The following TSPEAR variants were observed in gnomAD, a reference collection of about 807,000 sequenced individuals.
TSPEAR encodes thrombospondin type laminin G domain and EAR repeats.
A neutral mutation model predicts 71.6 loss-of-function variants in TSPEAR; 69 were observed. That is an observed-to-expected ratio of 0.96 (90% CI 0.79 to 1.18). The LOEUF (loss-of-function observed/expected upper bound fraction) is 1.18. Ranked by LOEUF, TSPEAR falls within the 50% of genes most tolerant of loss-of-function variation. TSPEAR has a pLI of 0.00. For synonymous variants in TSPEAR, 402 were observed against 387.2 expected (o/e 1.04, Z -0.45); for missense variants, 971 against 894.9 (o/e 1.09, Z -1.09).
chr21:44,653,761 G>C (rs1984951733), intron 1 of TSPEAR, among the ~76,000 whole-genome samples: 1 of 152,200 alleles, frequency 6.6e-6, no homozygotes, highest in African/African-American at 2.4e-5. Flanking sequence ...GAACAAAGTG[G>C]GACGAAGGAA....
At chr21:44,628,007 C>A in intron 1 of TSPEAR, 1 of 1,611,172 alleles carries the variant, frequency 6.2e-7, no homozygotes, top group Non-Finnish European at 8.5e-7. Context: ...TGCTCCCGCC[C>A]GGCCTGCTAC....
chr21:44,708,225 G>T (rs1490759603), intron 1 of TSPEAR, among the ~76,000 whole-genome samples: 3 of 152,060 alleles, frequency 2.0e-5, no homozygotes, highest in African/African-American at 7.2e-5. Flanking sequence ...TGGTCTGAGT[G>T]GGGAGCTGGG....
At chr21:44,704,142 G>C (rs1255387527) in intron 1 of TSPEAR, among the ~76,000 whole-genome samples, 2 of 152,154 alleles carry the variant, frequency 1.3e-5, no homozygotes, top group Non-Finnish European at 2.9e-5. Context: ...AATTAGAACA[G>C]GGTTGGTGTA....
chr21:44,660,338 C>T (rs1241123524), intron 1 of TSPEAR, among the ~76,000 whole-genome samples: 1 of 152,206 alleles, frequency 6.6e-6, no homozygotes, highest in Non-Finnish European at 1.5e-5. Context: ...CACATTAAAT[C>T]TGTGACTGAC....
At chr21:44,637,977 C>T (rs587644811) in intron 1 of TSPEAR, 2 of 1,614,110 alleles carry the variant, frequency 1.2e-6, no homozygotes, top group Admixed American at 1.7e-5. Context: ...TGCAGACCCT[C>T]CTCCTCCGTG....
chr21:44,706,411 G>GCA lies in TSPEAR; in HGVS notation c.82+5020_82+5021dup, dbSNP rs577921563. Among the ~76,000 whole-genome samples, 33 of 151,226 alleles carry GCA rather than the reference G, an allele frequency of 2.2e-4. 1 individual carries two copies. The East Asian group carries it at 3.3e-3, about 15-fold the overall frequency. ...CGTGCACCCATGCGCACGCACCCAT[G>GCA]CACACACACGCGCGCACACACCCAC... On this transcript the variant is annotated intron_variant, in intron 1 of 11. Transcript: ENST00000323084.
chr21:44,601,134 G>A lies in TSPEAR; in HGVS notation c.83-33129C>T, dbSNP rs782697495. On this transcript the variant is annotated intron_variant, in intron 1 of 11. Coordinates refer to ENST00000323084, the MANE Select transcript of TSPEAR (RefSeq NM_144991.3). Reference sequence around the variant, plus strand: ...CTGTCTGCTCTGGGATTTCCTCTTCGTGCTGCCAGCAGTCTAGCTGTGTGA... The same window carrying A: ...CTGTCTGCTCTGGGATTTCCTCTTCATGCTGCCAGCAGTCTAGCTGTGTGA... 590 of 1,584,460 alleles carry A rather than the reference G, an allele frequency of 3.7e-4. 4 individuals carry two copies. In the East Asian group the frequency reaches 8.8e-3, roughly 24 times the overall value.
intron 9 of TSPEAR, chr21:44,517,677 T>C (rs587643430): frequency 2.3e-6 from 1 of 444,032 alleles, no homozygotes. Context: ...AGGAAGCCAC[T>C]GACATGTGGG....
In TSPEAR at chr21:44,627,809, C is replaced by A; in HGVS notation, c.83-59804G>T. On this transcript the variant is annotated intron_variant, in intron 1 of 11. Transcript: ENST00000323084. ...GCTTCCTCTTTGTGCTGCCAGCAGT[C>A]TGGCTGCCAGCCGGCTTGCTGCACC... The A allele has an allele frequency of 6.2e-7, 1 of 1,605,720 alleles. No homozygotes were observed. Among genetic ancestry groups the A allele is most frequent in the Admixed American group, 1.7e-5 (1 of 58,374 alleles).
At chr21:44,502,740 C>T (rs111272309) in intron 11 of TSPEAR, among the ~76,000 whole-genome samples, 9 of 152,356 alleles carry the variant, frequency 5.9e-5, no homozygotes, top group African/African-American at 1.9e-4. Context: ...CAGCCAATCT[C>T]GGAAATGACA....
chr21:44,518,576 GGAGACCTTGCCT>G, intron 9 of TSPEAR: 1 of 460,174 alleles, frequency 2.2e-6, no homozygotes, highest in Non-Finnish European at 4.6e-6. Context: ...ACAGCTGTTA[GGAGACCTTGCCT>G]AGTTGACGAG....
rs1981707278 is a variant in TSPEAR at position 44,612,013 on chromosome 21, C to T, written c.83-44008G>A. ...TGTGAGACTCCTGTGAGGAAAATAC[C>T]CAGGGAGGGTATAAAACCTCAGCAG... is the stretch of plus-strand genomic sequence containing the variant. On this transcript the variant is annotated intron_variant, in intron 1 of 11. Coordinates refer to ENST00000323084, the MANE Select transcript of TSPEAR (RefSeq NM_144991.3). This position sits in a 1 kb window ranked among gnomAD's most constrained non-coding sequence, Gnocchi z 4.1. The T allele has an allele frequency of 1.5e-6, 2 of 1,367,406 alleles. No individual in the cohort carries two copies. Among genetic ancestry groups the T allele is most frequent in the South Asian group, 1.3e-5 (1 of 76,986 alleles). 84.7% of individuals were successfully genotyped at this position (1,367,406 alleles called of 1,614,324 possible).
At position 44,531,056 on chromosome 21, in the gene TSPEAR, T is replaced by C. The variant is rs782248961; in HGVS notation, c.620A>G (p.Lys207Arg). 8.7e-6 allele frequency: 14 copies of C among 1,613,548 alleles called. No individual in the cohort carries two copies. The South Asian group carries it at 1.4e-4, about 16-fold the overall frequency. The change falls in exon 4 of 12, where the codon AAA becomes AGA. Residue 207 changes from lysine to arginine, a missense_variant. Coordinates refer to ENST00000323084, the MANE Select transcript of TSPEAR (RefSeq NM_144991.3). The part of the protein sequence containing the change: ...RFFVGSRRRA[K>R]GLFMGLVRQL... ...CTCCATACTCGCCATGAACAGGCCTTTGGCTCTCCTCCGGCTGCCGACGAA... is the reference window on the plus strand; with the variant it reads ...CTCCATACTCGCCATGAACAGGCCTCTGGCTCTCCTCCGGCTGCCGACGAA...
chr21:44,624,447 T>C (rs782379336), intron 1 of TSPEAR, among the ~76,000 whole-genome samples: 7 of 152,230 alleles, frequency 4.6e-5, no homozygotes, highest in Non-Finnish European at 1.0e-4. Flanking sequence ...CTAGTAATTT[T>C]TGACTGAATC....
At chr21:44,536,588 G>A (rs1042750667) in intron 2 of TSPEAR, among the ~76,000 whole-genome samples, 2 of 152,238 alleles carry the variant, frequency 1.3e-5, no homozygotes, top group East Asian at 1.9e-4. Flanking sequence ...CAAACACTGC[G>A]TGTAGTGGTG....
At chr21:44,708,130 G>A (rs1555952879) in intron 1 of TSPEAR, among the ~76,000 whole-genome samples, 1 of 152,072 alleles carries the variant, frequency 6.6e-6, no homozygotes, top group African/African-American at 2.4e-5. Flanking sequence ...TGCGCTGGGG[G>A]TAACCCGTGC....
rs371207502 is a variant in TSPEAR at position 44,503,563 on chromosome 21, T to G, written c.1856+1217A>C. Among the ~76,000 whole-genome samples the G allele has an allele frequency of 1.6e-3, 90 of 55,194 alleles. 2 individuals are homozygous for G. The highest frequency in any genetic ancestry group is 2.6e-3 in the African/African-American group (33 of 12,478). The allele number at this position is 55,194 out of a possible 152,430, so 36.2% of individuals were successfully genotyped here. A position where few individuals can be genotyped will look rare whatever the true frequency, so the allele number is the denominator to read the frequency against. On this transcript the variant is annotated intron_variant, in intron 11 of 11. Transcript: ENST00000323084. ...TGGTGAGCCCACAGTGGGGAAGCAA[T>G]GTGCTGGGAGGAAGCTGGCCTCGGT... is the stretch of plus-strand genomic sequence containing the variant.
At chr21:44,672,087 T>C (rs781793815) in intron 1 of TSPEAR, among the ~76,000 whole-genome samples, 11 of 151,878 alleles carry the variant, frequency 7.2e-5, no homozygotes, top group Non-Finnish European at 1.6e-4. Flanking sequence ...TTCAACAATA[T>C]ACCAGATCAA....
intron 1 of TSPEAR, among the ~76,000 whole-genome samples, chr21:44,628,794 C>G (rs1983071402): frequency 6.6e-6 from 1 of 152,196 alleles, no homozygotes; most frequent in South Asian, 2.1e-4. Flanking sequence ...AGGAGTTCCA[C>G]TCGGAGAGAG....
Sources: gnomAD v4.1 joint callset for allele counts (sites outside exome capture counted in the v4.1 genomes callset) on GRCh38, gnomAD v4.1.1 for gene constraint, Gnocchi (gnomAD v3.1) non-coding constraint, MANE v1.5 for transcripts, NCBI Gene and HGNC (gene_info 2026-07-23, HGNC 2026-07-21) for gene names.